Variants in CEP128 observed in about 807,000 individuals in gnomAD.
CEP128 encodes the protein centrosomal protein 128.
Under a neutral mutation model 156.7 loss-of-function variants are expected in CEP128, and 132 were observed. The ratio of observed to expected loss-of-function variants is 0.84; its 90% CI spans 0.73 to 0.97. The LOEUF (loss-of-function observed/expected upper bound fraction) is 0.97. Among genes scored for constraint, CEP128 ranks in the 50% least tolerant of loss-of-function variants. The probability of loss-of-function intolerance (pLI) is 0.00; values close to 1 mark genes in which losing one functional copy is unlikely to be tolerated. For synonymous variants in CEP128, 469 were observed against 448.9 expected, an observed-to-expected ratio of 1.04 and a Z score of -0.57; for missense variants, 1,252 against 1,281.9, an observed-to-expected ratio of 0.98 and a Z score of 0.36.
chr14:80,508,663 T>A (rs1888100058), intron 23 of CEP128, among the ~76,000 whole-genome samples: 1 of 152,216 alleles, frequency 6.6e-6, no homozygotes, highest in Admixed American at 6.5e-5. Flanking sequence ...AATTACTGAA[T>A]GATACATTTT....
At chr14:80,515,318 T>C (rs1173472397) in intron 23 of CEP128, among the ~76,000 whole-genome samples, 1 of 152,160 alleles carries the variant, frequency 6.6e-6, no homozygotes, top group East Asian at 1.9e-4. Flanking sequence ...GATCCAGAAA[T>C]GCCATCCAGG....
intron 21 of CEP128, among the ~76,000 whole-genome samples, chr14:80,540,981 A>G (rs1889729832): frequency 6.6e-6 from 1 of 152,150 alleles, no homozygotes; most frequent in African/African-American, 2.4e-5. Context: ...TGTCCACAAA[A>G]TGTTTTCTCT....
intron 19 of CEP128, among the ~76,000 whole-genome samples, chr14:80,711,295 T>TTGTGTG (rs138953286): frequency 0.064 from 9,359 of 145,770 alleles, 300 homozygotes; most frequent in African/African-American, 0.08. Context: ...TAAGACTATG[T>TTGTGTG]TGTGTGTGTG....
chr14:80,710,880 C>A (rs539621337), intron 19 of CEP128, among the ~76,000 whole-genome samples: 1 of 152,236 alleles, frequency 6.6e-6, no homozygotes, highest in East Asian at 1.9e-4. Context: ...AATAAACCAT[C>A]TGATATTCAA....
Position 80,673,168 on chromosome 14 carries a change from GAGA to G in CEP128, c.2806+69904_2806+69906del. Among the ~76,000 whole-genome samples the G allele has an allele frequency of 2.0e-5, 3 of 152,266 alleles. No individual in the cohort carries two copies. The South Asian group carries it at 6.2e-4, about 32-fold the overall frequency. On this transcript the variant is annotated intron_variant, in intron 19 of 24. Coordinates refer to ENST00000555265, the MANE Select transcript of CEP128 (RefSeq NM_152446.5). Reference sequence around the variant, plus strand: ...GAAAATTTATAGTCTTAGCAAAAATGAGAAGATTTACATAATTGTAAAGCATTT... The same window carrying G: ...GAAAATTTATAGTCTTAGCAAAAATGAGATTTACATAATTGTAAAGCATTT...
chr14:80,666,580 A>G (rs1166509742), intron 19 of CEP128, among the ~76,000 whole-genome samples: 1 of 152,186 alleles, frequency 6.6e-6, no homozygotes, highest in African/African-American at 2.4e-5. Flanking sequence ...CAAAAACACC[A>G]TCACTCATTC....
intron 18 of CEP128, among the ~76,000 whole-genome samples, chr14:80,746,054 A>G (rs779614757): frequency 6.6e-6 from 1 of 152,194 alleles, no homozygotes; most frequent in East Asian, 1.9e-4. Context: ...TGCAAAACTT[A>G]TATTTAAAAA....
At chr14:80,915,493 G>A (rs186148915) in intron 3 of CEP128, among the ~76,000 whole-genome samples, 11 of 152,290 alleles carry the variant, frequency 7.2e-5, no homozygotes, top group Non-Finnish European at 8.8e-5. Flanking sequence ...GGATTAATGC[G>A]TAGGAAATAC....
intron 19 of CEP128, among the ~76,000 whole-genome samples, chr14:80,617,492 C>T (rs1173748627): frequency 2.6e-5 from 4 of 152,030 alleles, no homozygotes; most frequent in African/African-American, 9.7e-5. Flanking sequence ...GCCTCGGCCT[C>T]CCAAAGTGCT....
chr14:80,906,225 G>A (rs1883880432), intron 4 of CEP128, 144 bp from the exon 5 acceptor site: 3 of 581,912 alleles, frequency 5.2e-6, no homozygotes, highest in South Asian at 5.5e-5. Context: ...ACTAAGTTAT[G>A]TTTAAAATAT....
intron 13 of CEP128, chr14:80,822,731 G>C: frequency 1.2e-6 from 1 of 841,816 alleles, no homozygotes; most frequent in Non-Finnish European, 2.1e-6. Flanking sequence ...GAATAGCCCT[G>C]TAGAAAATGG....
chr14:80,651,232 AGT>A, intron 19 of CEP128, among the ~76,000 whole-genome samples: 1 of 152,116 alleles, frequency 6.6e-6, no homozygotes, highest in African/African-American at 2.4e-5. Context: ...CTCTGATGGT[AGT>A]TTGTATTTCT....
intron 4 of CEP128, among the ~76,000 whole-genome samples, chr14:80,906,661 C>T (rs982073206): frequency 6.6e-6 from 1 of 152,138 alleles, no homozygotes; most frequent in African/African-American, 2.4e-5. Flanking sequence ...TGTCCAAATG[C>T]TTTATTCAGT....
rs114934083 is a variant in CEP128 at position 80,683,197 on chromosome 14, C to A, written c.2806+59878G>T. Among the ~76,000 whole-genome samples the A allele has an allele frequency of 8.6e-3, 1,302 of 152,200 alleles. 17 individuals carry two copies. The highest frequency in any genetic ancestry group is 0.03 in the African/African-American group (1,258 of 41,530). The stretch of plus-strand genomic sequence containing the variant: ...CACAGGGTGGCAAGCTGGACAGGAC[C>A]ATCCATCTGCTCTTTTCAACAGACC... On this transcript the variant is annotated intron_variant, in intron 19 of 24. Transcript: ENST00000555265.
chr14:80,932,214 C>A (rs1187003006), intron 2 of CEP128, among the ~76,000 whole-genome samples: 3 of 152,210 alleles, frequency 2.0e-5, no homozygotes, highest in Admixed American at 1.3e-4. Context: ...GTCAATTAAA[C>A]CTCTTTCCTT....
At chr14:80,485,738 G>T (rs1443957040), downstream of CEP128, among the ~76,000 whole-genome samples, 2 of 152,118 alleles carry the variant, frequency 1.3e-5, no homozygotes, top group East Asian at 3.9e-4. Flanking sequence ...TTGAATTAAG[G>T]GAAATAATGT....
At chr14:80,816,606 C>A (rs942066180) in intron 13 of CEP128, among the ~76,000 whole-genome samples, 3 of 152,178 alleles carry the variant, frequency 2.0e-5, no homozygotes, top group Middle Eastern at 3.2e-3. Context: ...AGCTCCACTA[C>A]AGTTGTGCAA....
At chr14:80,559,250 A>G in intron 21 of CEP128, 29 bp downstream of exon 21, 1 of 1,594,914 alleles carries the variant, frequency 6.3e-7, no homozygotes, top group South Asian at 1.1e-5. Flanking sequence ...TAATTCTGAT[A>G]AAAGGAGAAA....
Position 80,501,949 on chromosome 14 carries a change from G to A in CEP128, c.3181+2963C>T, listed in dbSNP as rs75352323. On this transcript the variant is annotated intron_variant, in intron 24 of 24. Coordinates refer to ENST00000555265, the MANE Select transcript of CEP128 (RefSeq NM_152446.5). ...GCCACGGCAACACGACACACCTGTCGCCATTTTCCTGGCGAAAACCCAACA... is the reference window on the plus strand; with the variant it reads ...GCCACGGCAACACGACACACCTGTCACCATTTTCCTGGCGAAAACCCAACA... 2.5e-3 allele frequency among the ~76,000 whole-genome samples: 383 copies of A among 152,154 alleles called. 2 individuals are homozygous for A. The highest frequency in any genetic ancestry group is 8.6e-3 in the African/African-American group (358 of 41,512).
Sources: gnomAD v4.1 joint callset for allele counts (sites outside exome capture counted in the v4.1 genomes callset) on GRCh38, gnomAD v4.1.1 for gene constraint, MANE v1.5 for transcripts, NCBI Gene and HGNC (gene_info 2026-07-23, HGNC 2026-07-21) for gene names.